The following KIF3C variants were observed in gnomAD, a reference collection of about 807,000 sequenced individuals.
KIF3C encodes kinesin-like protein KIF3C.
A neutral mutation model predicts 67.7 loss-of-function variants in KIF3C; 12 were observed. That is an observed-to-expected ratio of 0.18 (90% confidence interval 0.11 to 0.29). The LOEUF (loss-of-function observed/expected upper bound fraction) is 0.29, where lower values mean the gene tolerates loss of function less well. Ranked by LOEUF, KIF3C falls within the 10% of genes least tolerant of loss-of-function variation. KIF3C has a pLI of 1.00. For synonymous variants in KIF3C, 393 were observed against 426.2 expected, an observed-to-expected ratio of 0.92 and a Z score of 0.96; for missense variants, 789 against 1,059.6, an observed-to-expected ratio of 0.74 and a Z score of 3.55.
intron 4 of KIF3C, among the ~76,000 whole-genome samples, chr2:25,952,620 C>T (rs1663653289): frequency 1.3e-5 from 2 of 150,524 alleles, no homozygotes; most frequent in Admixed American, 6.7e-5. Context: ...TGCAATGGCA[C>T]GATCTCAGCT....
intron 4 of KIF3C, among the ~76,000 whole-genome samples, chr2:25,952,344 G>A (rs1663639238): frequency 6.6e-6 from 1 of 151,942 alleles, no homozygotes; most frequent in African/African-American, 2.4e-5. Context: ...TTTAAAAAAA[G>A]AGGCAGAGGC....
chr2:25,954,454 G>A (rs1663750807), intron 3 of KIF3C, 69 bp from the exon 4 acceptor site: 1 of 1,178,144 alleles, frequency 8.5e-7, no homozygotes, highest in Non-Finnish European at 1.2e-6. Context: ...CCCAGCCTGG[G>A]CCGCAGGGCT....
chr2:25,952,559 A>G (rs1018814962), intron 4 of KIF3C, among the ~76,000 whole-genome samples: 5 of 121,010 alleles, frequency 4.1e-5, no homozygotes, highest in Admixed American at 2.2e-4. Flanking sequence ...GTATATATAT[A>G]TATATTTTTT....
chr2:25,970,992 G>A (rs1194707560), intron 1 of KIF3C, among the ~76,000 whole-genome samples: 2 of 150,204 alleles, frequency 1.3e-5, no homozygotes, highest in Admixed American at 6.6e-5. Context: ...AAAAAAAAGG[G>A]CCGGGCACAG....
chr2:25,963,020 A>AATATATAAT (rs1553715962), intron 1 of KIF3C, among the ~76,000 whole-genome samples: 1 of 31,530 alleles, frequency 3.2e-5, no homozygotes, highest in African/African-American at 2.2e-4. Context: ...TAATATATAT[A>AATATATAAT]ATATATAATA....
At chr2:25,957,759 G>C (rs1406545108) in intron 1 of KIF3C, among the ~76,000 whole-genome samples, 1 of 152,174 alleles carries the variant, frequency 6.6e-6, no homozygotes, top group Non-Finnish European at 1.5e-5. Flanking sequence ...GGCTGTGTGA[G>C]GCTTTGTCAC....
chr2:25,935,118 C>T (rs186424397), intron 5 of KIF3C, among the ~76,000 whole-genome samples: 44 of 152,094 alleles, frequency 2.9e-4, no homozygotes, highest in Middle Eastern at 3.4e-3. Context: ...GTGGCTCACA[C>T]CTGTAGTCCC....
intron 6 of KIF3C, 43 bp downstream of exon 6, chr2:25,929,912 G>A (rs768298670): frequency 3.9e-5 from 54 of 1,399,024 alleles, no homozygotes; most frequent in Non-Finnish European, 4.5e-5. Flanking sequence ...CACCTCGCCC[G>A]GCCTCCCTCC....
At chr2:25,932,189 A>G (rs1258519565) in intron 5 of KIF3C, among the ~76,000 whole-genome samples, 1 of 151,224 alleles carries the variant, frequency 6.6e-6, no homozygotes, top group Non-Finnish European at 1.5e-5. Context: ...TTTAGTAGAG[A>G]CGGGGTTTCA....
chr2:25,951,444 T>C (rs1663609798), intron 5 of KIF3C: 2 of 262,702 alleles, frequency 7.6e-6, no homozygotes, highest in Non-Finnish European at 1.5e-5. Context: ...GTGGTTGCTA[T>C]TTCGGGCATC....
chr2:25,939,038 G>C (rs1050129478), intron 5 of KIF3C, among the ~76,000 whole-genome samples: 10 of 151,862 alleles, frequency 6.6e-5, no homozygotes, highest in Non-Finnish European at 1.0e-4. Context: ...CTGTCACCCA[G>C]GCTGGAGTGC....
chr2:25,968,892 C>A (rs190434303), intron 1 of KIF3C, among the ~76,000 whole-genome samples: 1 of 151,820 alleles, frequency 6.6e-6, no homozygotes, highest in Admixed American at 6.6e-5. Flanking sequence ...GGCGTGATCT[C>A]GGCTCACCGC....
At chr2:25,952,850 A>G (rs1663659450) in intron 4 of KIF3C, among the ~76,000 whole-genome samples, 1 of 151,896 alleles carries the variant, frequency 6.6e-6, no homozygotes, top group Non-Finnish European at 1.5e-5. Flanking sequence ...AAGCCAGCAA[A>G]TTGTATATTT....
chr2:25,967,461 T>C (rs1664172971), intron 1 of KIF3C, among the ~76,000 whole-genome samples: 1 of 152,202 alleles, frequency 6.6e-6, no homozygotes, highest in African/African-American at 2.4e-5. Context: ...ACTTCCACTT[T>C]CTCATCTGTA....
intron 1 of KIF3C, among the ~76,000 whole-genome samples, chr2:25,965,467 A>C (rs983725515): frequency 6.6e-6 from 1 of 151,464 alleles, no homozygotes; most frequent in African/African-American, 2.4e-5. Context: ...TCTCTCAGAG[A>C]TCTTGAGCCT....
At chr2:25,963,675 TA>T (rs1315421204) in intron 1 of KIF3C, among the ~76,000 whole-genome samples, 4 of 110,524 alleles carry the variant, frequency 3.6e-5, no homozygotes, top group Non-Finnish European at 7.5e-5. Context: ...GTATTATTAT[TA>T]TTATTATTAT....
At chr2:25,938,823 C>T (rs1050160473) in intron 5 of KIF3C, among the ~76,000 whole-genome samples, 1 of 152,138 alleles carries the variant, frequency 6.6e-6, no homozygotes, top group Non-Finnish European at 1.5e-5. Context: ...AGTTATCCTG[C>T]GTGCAGTACA....
Position 25,954,332 on chromosome 2 carries a change from CTCA to C in KIF3C, c.1821_1823del (p.Asp607del). 2 of 1,614,154 alleles carry C rather than the reference CTCA, an allele frequency of 1.2e-6. No homozygotes were observed. Among genetic ancestry groups the C allele is most frequent in the Non-Finnish European group, 1.7e-6 (2 of 1,180,026 alleles). On this transcript the variant is annotated inframe_deletion, in exon 4 of 8. Transcript: ENST00000264712. ...CCAGGTCCTGCCGCACGCGGATATA[CTCA>C]TCATGCTGGTCCTGGATCTCCGCCT...
In KIF3C at chr2:25,927,499, C is replaced by G. The variant is rs1183778812; in HGVS notation, c.*1479G>C. 3 of 152,174 alleles carry G rather than the reference C, an allele frequency of 2.0e-5. No individual in the cohort carries two copies. The highest frequency in any genetic ancestry group is 2.4e-5 in the African/African-American group (1 of 41,434). 9.4% of individuals were successfully genotyped at this position (152,174 alleles called of 1,614,324 possible). A position where few individuals can be genotyped will look rare whatever the true frequency, so the allele number is the denominator to read the frequency against. On this transcript the variant is annotated 3_prime_UTR_variant, in exon 8 of 8. Transcript: ENST00000264712. ...CAGTGTCGCTGAGTTAAATCAGACC[C>G]AAGCTTGATCCTCAGAGCAGAACTT... is the stretch of plus-strand genomic sequence containing the variant.
Sources: allele counts gnomAD v4.1 joint callset (sites outside exome capture counted in the v4.1 genomes callset), GRCh38; gene constraint gnomAD v4.1.1; transcripts MANE v1.5; gene names NCBI Gene and HGNC (gene_info 2026-07-23, HGNC 2026-07-21).